Variants in CENPP observed in about 807,000 individuals in gnomAD.
CENPP encodes the protein centromere protein P.
Under a neutral mutation model 35.6 loss-of-function variants are expected in CENPP, and 24 were observed. The ratio of observed to expected loss-of-function variants is 0.67; its 90% CI spans 0.49 to 0.95. CENPP has a LOEUF of 0.95. CENPP is among the 40% of genes least tolerant of loss of function. The probability of loss-of-function intolerance (pLI) is 0.00; values close to 1 mark genes in which losing one functional copy is unlikely to be tolerated. For synonymous variants in CENPP, 120 were observed against 125.5 expected (o/e 0.96, Z 0.29); for missense variants, 332 against 345.3 (o/e 0.96, Z 0.31).
chr9:92,383,670 G>A (rs1842322509), intron 5 of CENPP, among the ~76,000 whole-genome samples: 1 of 151,328 alleles, frequency 6.6e-6, no homozygotes, highest in African/African-American at 2.4e-5. Context: ...TGTATATGAA[G>A]GTGTAAGGTA....
Position 92,619,338 on chromosome 9 carries a change from C to T in CENPP, c.*6189C>T. 1 of 635,918 alleles carries T rather than the reference C, an allele frequency of 1.6e-6. No individual in the cohort carries two copies. Among genetic ancestry groups the T allele is most frequent in the Non-Finnish European group, 2.9e-6 (1 of 350,674 alleles). The allele number at this position is 635,918 out of a possible 1,614,324, so 39.4% of individuals were successfully genotyped here. A position where few individuals can be genotyped will look rare whatever the true frequency, so the allele number is the denominator to read the frequency against. ...TTCTAGAGGGCGAGAGTTAGTAAGC[C>T]CCATGATGTCACATAGGCCAAGGAA... is the stretch of plus-strand genomic sequence containing the variant. On this transcript the variant is annotated 3_prime_UTR_variant, in exon 8 of 8. Coordinates refer to ENST00000375587, the MANE Select transcript of CENPP (RefSeq NM_001012267.3).
At chr9:92,371,775 A>G (rs1371519677) in intron 4 of CENPP, among the ~76,000 whole-genome samples, 1 of 137,848 alleles carries the variant, frequency 7.3e-6, no homozygotes, top group Admixed American at 7.0e-5. Context: ...ATGAATCTGG[A>G]TGCTTCTATA....
At chr9:92,498,452 A>AAT (rs536901612) in intron 5 of CENPP, among the ~76,000 whole-genome samples, 29 of 151,930 alleles carry the variant, frequency 1.9e-4, no homozygotes, top group African/African-American at 5.8e-4. Flanking sequence ...GTAAAAAGAA[A>AAT]ATATATATAT....
At chr9:92,522,690 T>C in intron 5 of CENPP, 2 of 1,614,166 alleles carry the variant, frequency 1.2e-6, no homozygotes, top group Non-Finnish European at 1.7e-6. Context: ...GTGTAAAAAC[T>C]GTTGTTTGCT....
chr9:92,329,143 T>G (rs1323629348), intron 1 of CENPP, among the ~76,000 whole-genome samples: 1 of 152,000 alleles, frequency 6.6e-6, no homozygotes, highest in Non-Finnish European at 1.5e-5. Flanking sequence ...TGCTGTGACA[T>G]TTGGTGTTCA....
rs534295301 is a variant in CENPP, at chr9:92,572,602, G to A, written c.565-38712G>A. Among the ~76,000 whole-genome samples, 14 of 152,160 alleles carry A rather than the reference G, an allele frequency of 9.2e-5. No homozygotes were observed. The East Asian group carries it at 1.4e-3, about 15-fold the overall frequency. ...TCTTCTCGAGGAGTATCTTTGTGGC[G>A]TTCTCTGTATTTCCTGAATTTGAAT... On this transcript the variant is annotated intron_variant, in intron 5 of 7. Coordinates refer to ENST00000375587, the MANE Select transcript of CENPP (RefSeq NM_001012267.3).
intron 5 of CENPP, among the ~76,000 whole-genome samples, chr9:92,491,510 G>A (rs1349285431): frequency 6.6e-6 from 1 of 152,084 alleles, no homozygotes; most frequent in Non-Finnish European, 1.5e-5. Context: ...GGCCCCTTCA[G>A]GTATACTCCT....
chr9:92,395,799 T>G (rs1366947059), intron 5 of CENPP, among the ~76,000 whole-genome samples: 2 of 152,168 alleles, frequency 1.3e-5, no homozygotes, highest in Non-Finnish European at 2.9e-5. Context: ...TTGTTTGGCA[T>G]CCATATATTT....
At chr9:92,338,320 A>C (rs1840996826) in intron 3 of CENPP, among the ~76,000 whole-genome samples, 1 of 152,000 alleles carries the variant, frequency 6.6e-6, no homozygotes, top group East Asian at 1.9e-4. Context: ...ACACACAAAA[A>C]AAAAACCACC....
At chr9:92,511,430 T>G (rs540009310) in intron 5 of CENPP, among the ~76,000 whole-genome samples, 6 of 151,292 alleles carry the variant, frequency 4.0e-5, no homozygotes, top group African/African-American at 2.4e-5. Context: ...TGGCCTGTTT[T>G]TTTTTTTTTT....
intron 5 of CENPP, among the ~76,000 whole-genome samples, chr9:92,387,478 A>C (rs1391523158): frequency 6.6e-6 from 1 of 151,900 alleles, no homozygotes; most frequent in African/African-American, 2.4e-5. Flanking sequence ...TTAATGTTGG[A>C]TTATTCTTCA....
chr9:92,409,364 A>C (rs978979215), intron 5 of CENPP, among the ~76,000 whole-genome samples: 1 of 152,224 alleles, frequency 6.6e-6, no homozygotes, highest in East Asian at 1.9e-4. Context: ...ATCCTTGGGG[A>C]CATATGAATT....
chr9:92,560,347 A>G (rs953360987), intron 5 of CENPP, among the ~76,000 whole-genome samples: 8 of 152,094 alleles, frequency 5.3e-5, no homozygotes, highest in Admixed American at 2.0e-4. Flanking sequence ...TTAGTCACGA[A>G]TCCCTTGGTG....
In CENPP at chr9:92,379,836, A is replaced by G; in HGVS notation, c.541A>G (p.Lys181Glu). 6.2e-7 allele frequency: 1 copy of G among 1,611,686 alleles called. No homozygotes were observed. Among genetic ancestry groups the G allele is most frequent in the Non-Finnish European group, 8.5e-7 (1 of 1,177,818 alleles). Reference protein sequence around the residue: ...HFFVEWFEYRKRTFKHLKEKY... With the variant: ...HFFVEWFEYRERTFKHLKEKY... The stretch of plus-strand genomic sequence containing the variant: ...TTTTGTGGAGTGGTTTGAATATCGT[A>G]AGCGCACGTTTAAACATCTCAAGGT... Residue 181 changes from lysine to glutamate, a missense_variant, in exon 5 of 8, where the codon AAG becomes GAG. By Grantham distance (56) the Lys-to-Glu change is moderately conservative. Coordinates refer to ENST00000375587, the MANE Select transcript of CENPP (RefSeq NM_001012267.3).
intron 1 of CENPP, among the ~76,000 whole-genome samples, chr9:92,329,330 A>G (rs1196499712): frequency 1.3e-5 from 2 of 151,554 alleles, no homozygotes; most frequent in Non-Finnish European, 2.9e-5. Flanking sequence ...GATTACAGGC[A>G]CCCGCCACCA....
At chr9:92,508,946 A>G (rs1226449607) in intron 5 of CENPP, among the ~76,000 whole-genome samples, 1 of 152,092 alleles carries the variant, frequency 6.6e-6, no homozygotes, top group Admixed American at 6.6e-5. Context: ...TTAGGAAGAT[A>G]AAAAGAAAAG....
chr9:92,404,008 T>C (rs1843225474), intron 5 of CENPP, among the ~76,000 whole-genome samples: 1 of 152,210 alleles, frequency 6.6e-6, no homozygotes, highest in Non-Finnish European at 1.5e-5. Context: ...GTAATTTTAA[T>C]AGGTGATCAT....
intron 5 of CENPP, among the ~76,000 whole-genome samples, chr9:92,577,117 A>C (rs1269195335): frequency 1.3e-5 from 2 of 152,240 alleles, no homozygotes; most frequent in Non-Finnish European, 2.9e-5. Flanking sequence ...CTGTAAACTG[A>C]CAAAAATACT....
chr9:92,382,232 T>A (rs1842266557), intron 5 of CENPP, among the ~76,000 whole-genome samples: 1 of 152,056 alleles, frequency 6.6e-6, no homozygotes, highest in Non-Finnish European at 1.5e-5. Context: ...AATTTATTTT[T>A]ATTTAATTTT....
Sources: gnomAD v4.1 joint callset for allele counts (sites outside exome capture counted in the v4.1 genomes callset) on GRCh38, gnomAD v4.1.1 for gene constraint, MANE v1.5 for transcripts, NCBI Gene and HGNC (gene_info 2026-07-23, HGNC 2026-07-21) for gene names.